The following ARHGAP6 variants were observed in gnomAD, a reference collection of about 807,000 sequenced individuals.
ARHGAP6 encodes the protein rho GTPase-activating protein 6.
ARHGAP6 carries 16 observed loss-of-function variants against 55.7 expected under a neutral mutation model. That is an observed-to-expected ratio of 0.29 (90% CI 0.19 to 0.44). The LOEUF is 0.44. Among genes scored for constraint, ARHGAP6 ranks in the 20% least tolerant of loss-of-function variants. ARHGAP6 has a pLI of 1.00. For missense variants in ARHGAP6, 698 were observed against 808.9 expected, an observed-to-expected ratio of 0.86 and a Z score of 1.66; for synonymous variants, 382 against 360.9, an observed-to-expected ratio of 1.06 and a Z score of -0.66.
At chrX:11,411,222 T>TAA (rs6151255) in intron 1 of ARHGAP6, among the ~76,000 whole-genome samples, 4 of 79,554 alleles carry the variant, frequency 5.0e-5, no homozygotes, top group African/African-American at 1.4e-4. Context: ...TATATATATA[T>TAA]AAAATATACA....
chrX:11,557,733 C>T (rs1455836064), intron 1 of ARHGAP6, among the ~76,000 whole-genome samples: 1 of 112,226 alleles, frequency 8.9e-6, no homozygotes, highest in Non-Finnish European at 1.9e-5. Context: ...ATCAAGTCAT[C>T]CTTAGCTAGG....
At chrX:11,599,758 A>T in intron 1 of ARHGAP6, among the ~76,000 whole-genome samples, 1 of 111,550 alleles carries the variant, frequency 9.0e-6, no homozygotes, top group South Asian at 3.8e-4. Context: ...TGCTAAGGGG[A>T]TAGATCCTAA....
chrX:11,166,838 C>A (rs563313643), intron 9 of ARHGAP6, among the ~76,000 whole-genome samples: 4 of 111,292 alleles, frequency 3.6e-5, no homozygotes, highest in Middle Eastern at 4.6e-3. Flanking sequence ...ATAACAGGGA[C>A]AGGACGATAG....
intron 1 of ARHGAP6, among the ~76,000 whole-genome samples, chrX:11,567,437 G>A (rs1257465778): frequency 9.3e-6 from 1 of 107,076 alleles, no homozygotes; most frequent in Non-Finnish European, 1.9e-5. Flanking sequence ...GCCTGTAGTC[G>A]CAGCTACTCG....
intron 9 of ARHGAP6, among the ~76,000 whole-genome samples, chrX:11,163,515 GA>G (rs2045977691): frequency 8.9e-6 from 1 of 112,248 alleles, no homozygotes; most frequent in South Asian, 3.7e-4. Flanking sequence ...CTTTGCACTT[GA>G]CCAAGAAGGA....
At chrX:11,201,613 T>G (rs1020401591) in intron 2 of ARHGAP6, among the ~76,000 whole-genome samples, 8 of 112,090 alleles carry the variant, frequency 7.1e-5, no homozygotes, top group African/African-American at 2.6e-4. Flanking sequence ...GAAGTTCAAT[T>G]GACTCACAGT....
intron 1 of ARHGAP6, among the ~76,000 whole-genome samples, chrX:11,636,798 G>A (rs917247407): frequency 7.2e-5 from 8 of 111,766 alleles, no homozygotes; most frequent in African/African-American, 1.9e-4. Flanking sequence ...TGTGAAACTC[G>A]AAGTACTAAA....
chrX:11,538,828 CTGTGTGTGTG>C (rs1231490909), intron 1 of ARHGAP6, among the ~76,000 whole-genome samples: 23 of 101,713 alleles, frequency 2.3e-4, no homozygotes, highest in African/African-American at 7.9e-4. Flanking sequence ...GTGGGGACCA[CTGTGTGTGTG>C]TGTGTGTGTG....
At chrX:11,501,462 G>C (rs769867927) in intron 1 of ARHGAP6, among the ~76,000 whole-genome samples, 10 of 111,655 alleles carry the variant, frequency 9.0e-5, no homozygotes, top group Non-Finnish European at 3.8e-5. Flanking sequence ...CTAATACATT[G>C]TTGGTTAGAA....
chrX:11,330,235 A>T (rs1378169285), intron 1 of ARHGAP6, among the ~76,000 whole-genome samples: 3 of 112,895 alleles, frequency 2.7e-5, no homozygotes, highest in Non-Finnish European at 5.6e-5. Flanking sequence ...GATCTGCTGC[A>T]CAGCATGTTG....
At chrX:11,614,251 C>G (rs939298802) in intron 1 of ARHGAP6, among the ~76,000 whole-genome samples, 1 of 111,766 alleles carries the variant, frequency 8.9e-6, no homozygotes. Flanking sequence ...TTCAGTGTAG[C>G]CCCTGTGTAT....
intron 2 of ARHGAP6, among the ~76,000 whole-genome samples, chrX:11,242,306 C>T (rs779944698): frequency 1.8e-5 from 2 of 112,493 alleles, no homozygotes; most frequent in Non-Finnish European, 3.8e-5. Context: ...TTTAAAGGCT[C>T]AACTATGGTT....
At chrX:11,385,221 CTG>C (rs1470845826) in intron 1 of ARHGAP6, among the ~76,000 whole-genome samples, 2 of 111,429 alleles carry the variant, frequency 1.8e-5, no homozygotes, top group African/African-American at 6.5e-5. Flanking sequence ...CAACCAATAA[CTG>C]TATCTATCAT....
At chrX:11,345,981 A>G (rs2048778391) in intron 1 of ARHGAP6, among the ~76,000 whole-genome samples, 1 of 108,245 alleles carries the variant, frequency 9.2e-6, no homozygotes, top group East Asian at 2.8e-4. Context: ...TTTTTTTTTT[A>G]AGAGATGAGG....
chrX:11,169,169 G>T (rs1411515943), intron 9 of ARHGAP6: 1 of 156,041 alleles, frequency 6.4e-6, no homozygotes, highest in African/African-American at 3.1e-5. Context: ...ATGAATACAT[G>T]AATTCATGAG....
chrX:11,441,526 G>A (rs750012991), intron 1 of ARHGAP6, among the ~76,000 whole-genome samples: 5 of 111,525 alleles, frequency 4.5e-5, no homozygotes, highest in Admixed American at 9.5e-5. Context: ...GGACACACTT[G>A]TTCCAATGCC....
intron 1 of ARHGAP6, among the ~76,000 whole-genome samples, chrX:11,463,841 C>A (rs1043015519): frequency 1.8e-5 from 2 of 112,301 alleles, no homozygotes; most frequent in Admixed American, 9.4e-5. Context: ...GTCATACATT[C>A]TTTAAATACA....
At chrX:11,210,877 T>C (rs1356062767) in intron 2 of ARHGAP6, among the ~76,000 whole-genome samples, 1 of 112,042 alleles carries the variant, frequency 8.9e-6, no homozygotes, top group African/African-American at 3.2e-5. Context: ...GCTACTATTA[T>C]TATGAAAAAC....
intron 3 of ARHGAP6, among the ~76,000 whole-genome samples, chrX:11,196,702 C>T (rs1176804668): frequency 1.8e-5 from 2 of 111,484 alleles, no homozygotes; most frequent in East Asian, 2.8e-4. Context: ...CAAACTTGGC[C>T]GAGGTCACAC....
Sources: allele counts gnomAD v4.1 joint callset (sites outside exome capture counted in the v4.1 genomes callset), GRCh38; gene constraint gnomAD v4.1.1; transcripts MANE v1.5; gene names NCBI Gene and HGNC (gene_info 2026-07-23, HGNC 2026-07-21).